The following PAX5 variants were observed in gnomAD, a reference collection of about 807,000 sequenced individuals.
The protein encoded by PAX5 is paired box 5.
In PAX5, 9 loss-of-function variants were observed where a neutral mutation model predicts 43.7. The observed-to-expected ratio is 0.21, with a 90% CI of 0.12 to 0.36. The LOEUF (loss-of-function observed/expected upper bound fraction) is 0.36. PAX5 is among the 10% of genes least tolerant of loss of function. PAX5 has a pLI of 1.00. For missense variants in PAX5, 383 were observed against 532.7 expected, an observed-to-expected ratio of 0.72 and a Z score of 2.77; for synonymous variants, 228 against 214.3, an observed-to-expected ratio of 1.06 and a Z score of -0.56.
At position 37,015,074 on chromosome 9, in the gene PAX5, G is replaced by A; in HGVS notation, c.333C>T (p.Ala111=). ...EYKRQNPTMF[A]WEIRDRLLAE... is the part of the protein sequence containing the mutation. ...CCAGCAGCCGGTCCCTGATCTCCCAGGCAAACATGGTGGGATTTTGGCGTT... is the reference window on the plus strand; with the variant it reads ...CCAGCAGCCGGTCCCTGATCTCCCAAGCAAACATGGTGGGATTTTGGCGTT... The change falls in exon 3 of 10, where the codon GCC becomes GCT. Residue 111 remains alanine (A), a synonymous_variant. Coordinates refer to ENST00000358127, the MANE Select transcript of PAX5 (RefSeq NM_016734.3). This position sits in a 1 kb window ranked among gnomAD's most constrained non-coding sequence, Gnocchi z 4.4. 6.2e-7 allele frequency: 1 copy of A among 1,614,196 alleles called. No individual in the cohort carries two copies.
chr9:36,987,943 G>C (rs1836581642), intron 5 of PAX5, among the ~76,000 whole-genome samples: 1 of 152,206 alleles, frequency 6.6e-6, no homozygotes, highest in African/African-American at 2.4e-5. Flanking sequence ...TCAGAAAAGA[G>C]ATGTTCACGG....
chr9:37,008,370 T>G (rs1376367603), intron 3 of PAX5, among the ~76,000 whole-genome samples: 1 of 152,264 alleles, frequency 6.6e-6, no homozygotes, highest in African/African-American at 2.4e-5. Flanking sequence ...TATACAGTTT[T>G]GCAGCCTGCT....
intron 9 of PAX5, among the ~76,000 whole-genome samples, chr9:36,843,052 G>A (rs1359327955): frequency 1.3e-5 from 2 of 151,980 alleles, no homozygotes; most frequent in African/African-American, 2.4e-5. Context: ...GTGTGTGTGA[G>A]TGTATCAGTG....
At chr9:36,930,881 A>C (rs986860251) in intron 6 of PAX5, 2 of 1,308,072 alleles carry the variant, frequency 1.5e-6, no homozygotes, top group Non-Finnish European at 2.0e-6. Flanking sequence ...GGTCCCTAGG[A>C]AATTACCTGG....
intron 5 of PAX5, among the ~76,000 whole-genome samples, chr9:36,973,138 A>T (rs200908296): frequency 2.5e-5 from 3 of 122,238 alleles, no homozygotes; most frequent in East Asian, 2.6e-4. Flanking sequence ...AGGAAAGAAA[A>T]GGAAAGGAAA....
chr9:36,927,912 G>C (rs1297946607), intron 6 of PAX5, among the ~76,000 whole-genome samples: 1 of 152,170 alleles, frequency 6.6e-6, no homozygotes, highest in Non-Finnish European at 1.5e-5. Flanking sequence ...GTTTCGCCAT[G>C]TTGGCCAGGC....
chr9:36,843,144 A>T (rs913805736), intron 9 of PAX5, among the ~76,000 whole-genome samples: 2 of 151,448 alleles, frequency 1.3e-5, no homozygotes, highest in Non-Finnish European at 2.9e-5. Flanking sequence ...GTGTGTGTGC[A>T]TGTGTGTGTG....
chr9:36,993,935 G>A (rs1837153063), intron 5 of PAX5, among the ~76,000 whole-genome samples: 1 of 152,238 alleles, frequency 6.6e-6, no homozygotes, highest in South Asian at 2.1e-4. Flanking sequence ...AAAGGAACTG[G>A]GGGTAAGAGG....
chr9:37,001,452 G>A (rs1837843383), intron 5 of PAX5, among the ~76,000 whole-genome samples: 1 of 152,210 alleles, frequency 6.6e-6, no homozygotes, highest in Non-Finnish European at 1.5e-5. Flanking sequence ...GCCTCCTGCA[G>A]CAACACAGCA....
intron 1 of PAX5, among the ~76,000 whole-genome samples, chr9:37,023,613 C>T (rs1234846191): frequency 6.6e-6 from 1 of 152,016 alleles, no homozygotes; most frequent in Non-Finnish European, 1.5e-5. Context: ...ATGGAAAGGG[C>T]TGGCCTCCAC....
intron 8 of PAX5, among the ~76,000 whole-genome samples, chr9:36,879,694 C>T (rs922537404): frequency 6.6e-6 from 1 of 152,238 alleles, no homozygotes; most frequent in African/African-American, 2.4e-5. Context: ...GGATTACTCT[C>T]CTAACCCTGC....
chr9:36,835,435 G>C lies in PAX5; in HGVS notation c.*5125C>G, dbSNP rs1295011701. ...AGGGGCTCACAGCCTGGCCTCTGCA[G>C]AGGCCCTTGGGACCTGGCGCCACAC... On this transcript the variant is annotated 3_prime_UTR_variant, in exon 10 of 10. Coordinates refer to ENST00000358127, the MANE Select transcript of PAX5 (RefSeq NM_016734.3). 4.3e-6 allele frequency: 1 copy of C among 232,646 alleles called. No individual in the cohort carries two copies. 14.4% of individuals were successfully genotyped at this position (232,646 alleles called of 1,614,324 possible).
rs143251834 is a variant in PAX5, at chr9:37,004,962, C to T, written c.475+1511G>A. 3.0e-4 allele frequency among the ~76,000 whole-genome samples: 46 copies of T among 152,304 alleles called. 1 individual carries two copies. The East Asian group carries it at 4.0e-3, about 13-fold the overall frequency. The stretch of plus-strand genomic sequence containing the variant: ...TGAACTCTAAGGGGCTATATGTATG[C>T]GAGATGTAGTTTAATTTAAAAATTT... On this transcript the variant is annotated intron_variant, in intron 4 of 9. Coordinates refer to ENST00000358127, the MANE Select transcript of PAX5 (RefSeq NM_016734.3).
chr9:36,871,358 G>T (rs2131707925), intron 8 of PAX5, among the ~76,000 whole-genome samples: 1 of 152,326 alleles, frequency 6.6e-6, no homozygotes, highest in Admixed American at 6.5e-5. Flanking sequence ...GGTTCAGCAA[G>T]GCCACTGTCC....
intron 9 of PAX5, among the ~76,000 whole-genome samples, chr9:36,844,517 C>T (rs1157258225): frequency 1.3e-5 from 2 of 152,162 alleles, no homozygotes; most frequent in Non-Finnish European, 2.9e-5. Context: ...AATTAGCAAG[C>T]GCTCATGTAG....
At chr9:36,859,582 C>G (rs1350346132) in intron 8 of PAX5, among the ~76,000 whole-genome samples, 1 of 152,170 alleles carries the variant, frequency 6.6e-6, no homozygotes, top group African/African-American at 2.4e-5. Flanking sequence ...GGATGTGCCC[C>G]CTCCTCCCTC....
intron 7 of PAX5, among the ~76,000 whole-genome samples, chr9:36,893,940 T>C (rs911547838): frequency 3.9e-5 from 6 of 152,210 alleles, no homozygotes; most frequent in African/African-American, 9.6e-5. Context: ...GACAAACCTA[T>C]GTAATCATAA....
At chr9:36,997,032 C>T (rs1837456475) in intron 5 of PAX5, among the ~76,000 whole-genome samples, 1 of 152,144 alleles carries the variant, frequency 6.6e-6, no homozygotes, top group South Asian at 2.1e-4. Flanking sequence ...GAATGAGATG[C>T]ACCCCCAAAG....
chr9:36,958,494 G>C (rs907930012), intron 6 of PAX5, among the ~76,000 whole-genome samples: 4 of 151,986 alleles, frequency 2.6e-5, no homozygotes, highest in Admixed American at 2.0e-4. Context: ...GGAGGTGGGG[G>C]AGCAGAAGGG....
Sources: gnomAD v4.1 joint callset for allele counts (sites outside exome capture counted in the v4.1 genomes callset) on GRCh38, gnomAD v4.1.1 for gene constraint, Gnocchi (gnomAD v3.1) non-coding constraint, MANE v1.5 for transcripts, NCBI Gene and HGNC (gene_info 2026-07-23, HGNC 2026-07-21) for gene names.